ZNF618: variants seen among roughly 807,000 people sequenced by gnomAD.
The protein encoded by ZNF618 is zinc finger protein 618.
A neutral mutation model predicts 103.0 loss-of-function variants in ZNF618; 34 were observed. The ratio of observed to expected loss-of-function variants is 0.33; its 90% CI spans 0.25 to 0.44. ZNF618 has a LOEUF of 0.44. Among genes scored for constraint, ZNF618 ranks in the 20% least tolerant of loss-of-function variants. The pLI, the probability that ZNF618 is intolerant of heterozygous loss-of-function variation, is 1.00. For missense variants in ZNF618, 1,059 were observed against 1,295.4 expected, an observed-to-expected ratio of 0.82 and a Z score of 2.80; for synonymous variants, 551 against 542.2, an observed-to-expected ratio of 1.02 and a Z score of -0.23.
At chr9:113,975,155 G>A (rs1022493834) in intron 2 of ZNF618, among the ~76,000 whole-genome samples, 7 of 152,054 alleles carry the variant, frequency 4.6e-5, no homozygotes, top group Admixed American at 2.6e-4. Flanking sequence ...GAGGGATGAC[G>A]GTGATGGAGC....
chr9:114,035,984 T>C (rs909931581), intron 12 of ZNF618, among the ~76,000 whole-genome samples: 1 of 152,222 alleles, frequency 6.6e-6, no homozygotes. Flanking sequence ...CGTTGGTCTG[T>C]TGATGTTGAT....
rs141982299 is a variant in ZNF618 at position 113,987,405 on chromosome 9, C to G, written c.78-916C>G. Among the ~76,000 whole-genome samples, 13 of 152,304 alleles carry G rather than the reference C, an allele frequency of 8.5e-5. No individual in the cohort carries two copies. The East Asian group carries it at 2.5e-3, about 29-fold the overall frequency. On this transcript the variant is annotated intron_variant, in intron 2 of 14. Transcript: ENST00000374126. ...GACGTTGAGTGACCCACGCCCTGCC[C>G]TCTTCAGAACTGACATCATTACCTC...
chr9:113,926,385 T>C (rs974310594), intron 1 of ZNF618, among the ~76,000 whole-genome samples: 2 of 152,082 alleles, frequency 1.3e-5, no homozygotes, highest in African/African-American at 4.8e-5. Context: ...TGGTGCTCTC[T>C]GAGCTTCCTG....
At chr9:114,012,545 C>T (rs1842348958) in intron 9 of ZNF618, among the ~76,000 whole-genome samples, 1 of 152,162 alleles carries the variant, frequency 6.6e-6, no homozygotes, top group African/African-American at 2.4e-5. Flanking sequence ...CAGTCCATAG[C>T]ATGACCCCTG....
At chr9:114,036,008 C>T (rs1469979102) in intron 12 of ZNF618, among the ~76,000 whole-genome samples, 1 of 152,176 alleles carries the variant, frequency 6.6e-6, no homozygotes, top group Non-Finnish European at 1.5e-5. Context: ...GTCCTCCCTA[C>T]CCCCATCTCA....
intron 1 of ZNF618, among the ~76,000 whole-genome samples, chr9:113,934,662 T>A (rs377276406): frequency 3.2e-4 from 49 of 152,232 alleles, no homozygotes; most frequent in African/African-American, 1.0e-3. Context: ...GAGAGAAATG[T>A]ACCCGGTTGG....
At chr9:114,033,385 CAA>C (rs1205363891) in intron 12 of ZNF618, among the ~76,000 whole-genome samples, 1 of 112,972 alleles carries the variant, frequency 8.9e-6, no homozygotes, top group Non-Finnish European at 1.8e-5. Context: ...GACTCTGTCT[CAA>C]AAAGAGAGAG....
chr9:113,897,105 G>A (rs1188376321), intron 1 of ZNF618, among the ~76,000 whole-genome samples: 2 of 152,126 alleles, frequency 1.3e-5, no homozygotes, highest in Non-Finnish European at 1.5e-5. Context: ...AAAACTCAGA[G>A]TCTTGAGATC....
At chr9:113,979,576 C>G (rs1308834392) in intron 2 of ZNF618, among the ~76,000 whole-genome samples, 1 of 152,200 alleles carries the variant, frequency 6.6e-6, no homozygotes. Flanking sequence ...AAACCATCGA[C>G]AGTTACAGTG....
At chr9:114,007,232 C>G in intron 6 of ZNF618, 118 bp from the exon 7 acceptor site, 1 of 777,850 alleles carries the variant, frequency 1.3e-6, no homozygotes, top group Non-Finnish European at 2.1e-6. Flanking sequence ...TGCTTCCTCC[C>G]TCCGCTAGCC....
intron 12 of ZNF618, among the ~76,000 whole-genome samples, chr9:114,035,501 C>T (rs771791938): frequency 7.2e-5 from 11 of 152,330 alleles, no homozygotes; most frequent in South Asian, 6.2e-4. Context: ...TTCCCATTCA[C>T]GGTCGTCGGG....
intron 9 of ZNF618, chr9:114,016,229 G>A: frequency 3.3e-6 from 5 of 1,526,052 alleles, no homozygotes; most frequent in South Asian, 1.1e-5. Context: ...CTGCTAGTGG[G>A]TGGGGGGTGC....
intron 1 of ZNF618, among the ~76,000 whole-genome samples, chr9:113,928,474 A>G (rs547765983): frequency 2.6e-5 from 4 of 152,318 alleles, no homozygotes; most frequent in Non-Finnish European, 5.9e-5. Context: ...TTAGAATACC[A>G]TGTAATTTTT....
chr9:113,905,834 C>T (rs1020153847), intron 1 of ZNF618, among the ~76,000 whole-genome samples: 2 of 152,164 alleles, frequency 1.3e-5, no homozygotes, highest in African/African-American at 2.4e-5. Context: ...ACTCATACCT[C>T]CTCAACTTCA....
chr9:113,928,566 G>T (rs1219435692), intron 1 of ZNF618, among the ~76,000 whole-genome samples: 1 of 152,174 alleles, frequency 6.6e-6, no homozygotes, highest in Non-Finnish European at 1.5e-5. Flanking sequence ...TGTTTATGTG[G>T]CTAGGAACTG....
chr9:113,917,598 C>A (rs1362100665), intron 1 of ZNF618, among the ~76,000 whole-genome samples: 1 of 152,038 alleles, frequency 6.6e-6, no homozygotes, highest in Non-Finnish European at 1.5e-5. Context: ...TCTCCCCATT[C>A]CATCCTCCTT....
intron 1 of ZNF618, among the ~76,000 whole-genome samples, chr9:113,949,649 G>A (rs1471127188): frequency 2.6e-5 from 4 of 152,082 alleles, no homozygotes; most frequent in East Asian, 1.9e-4. Context: ...CTCCCCTCCC[G>A]GACTGAAGGG....
At chr9:113,915,633 A>C (rs1165640832) in intron 1 of ZNF618, among the ~76,000 whole-genome samples, 1 of 152,196 alleles carries the variant, frequency 6.6e-6, no homozygotes, top group East Asian at 1.9e-4. Flanking sequence ...CTTTTGAGGG[A>C]AGCTGAAAAT....
intron 1 of ZNF618, among the ~76,000 whole-genome samples, chr9:113,934,441 C>T (rs1210043021): frequency 6.6e-6 from 1 of 152,108 alleles, no homozygotes; most frequent in African/African-American, 2.4e-5. Flanking sequence ...CACGAACCTC[C>T]TCTGTGGATT....
Sources: gnomAD v4.1 joint callset for allele counts (sites outside exome capture counted in the v4.1 genomes callset) on GRCh38, gnomAD v4.1.1 for gene constraint, MANE v1.5 for transcripts, NCBI Gene and HGNC (gene_info 2026-07-23, HGNC 2026-07-21) for gene names.